RUNDC3B: variants seen among roughly 807,000 people sequenced by gnomAD.
RUNDC3B encodes RUN domain-containing protein 3B.
Under a neutral mutation model 58.4 loss-of-function variants are expected in RUNDC3B, and 33 were observed. The observed-to-expected ratio is 0.56, with a 90% CI of 0.43 to 0.75. The LOEUF (loss-of-function observed/expected upper bound fraction) is 0.75. Ranked by LOEUF, RUNDC3B falls within the 30% of genes least tolerant of loss-of-function variation. The pLI, the probability that RUNDC3B is intolerant of heterozygous loss-of-function variation, is 0.00. For synonymous variants in RUNDC3B, 193 were observed against 195.2 expected (o/e 0.99, Z 0.10); for missense variants, 501 against 535.7 (o/e 0.94, Z 0.64).
At chr7:87,754,745 A>G (rs1833257010) in intron 6 of RUNDC3B, among the ~76,000 whole-genome samples, 2 of 152,096 alleles carry the variant, frequency 1.3e-5, no homozygotes, top group Non-Finnish European at 2.9e-5. Flanking sequence ...AGAAATGACA[A>G]AGGGGATGTT....
At chr7:87,658,078 C>T (rs28746495) in intron 2 of RUNDC3B, among the ~76,000 whole-genome samples, 12,082 of 152,156 alleles carry the variant, frequency 0.079, 515 homozygotes, top group African/African-American at 0.11. Context: ...TAGATGTCAA[C>T]ACTGAGATGA....
intron 2 of RUNDC3B, among the ~76,000 whole-genome samples, chr7:87,666,114 T>A (rs1825215132): frequency 6.6e-6 from 1 of 152,108 alleles, no homozygotes; most frequent in African/African-American, 2.4e-5. Context: ...CAGCAGTGTA[T>A]AAGCATCCCC....
chr7:87,713,312 A>C (rs1333197116), intron 4 of RUNDC3B: 1 of 152,184 alleles, frequency 6.6e-6, no homozygotes, highest in Non-Finnish European at 1.5e-5. Context: ...TAAAATGGTA[A>C]TACAAGTGTT....
intron 2 of RUNDC3B, chr7:87,659,264 T>A (rs1290565252): frequency 2.4e-6 from 1 of 417,190 alleles, no homozygotes. Context: ...CTTTTAGTTT[T>A]CTGTTTGTTC....
At chr7:87,822,509 A>G (rs1837528793) in intron 10 of RUNDC3B, among the ~76,000 whole-genome samples, 2 of 152,184 alleles carry the variant, frequency 1.3e-5, no homozygotes, top group African/African-American at 4.8e-5. Flanking sequence ...AACTAGAAAT[A>G]CCATTTGACC....
intron 6 of RUNDC3B, among the ~76,000 whole-genome samples, chr7:87,755,519 A>G (rs1584115527): frequency 6.6e-6 from 1 of 152,216 alleles, no homozygotes; most frequent in East Asian, 1.9e-4. Flanking sequence ...TGAATCCAGC[A>G]GCACGTCAAA....
chr7:87,703,423 T>G (rs1237431485), intron 3 of RUNDC3B, among the ~76,000 whole-genome samples: 1 of 152,212 alleles, frequency 6.6e-6, no homozygotes, highest in Admixed American at 6.5e-5. Context: ...CTCCTTAATA[T>G]GAAAGTACAC....
intron 1 of RUNDC3B, among the ~76,000 whole-genome samples, chr7:87,646,949 T>C (rs1363963147): frequency 6.6e-6 from 1 of 152,200 alleles, no homozygotes; most frequent in Non-Finnish European, 1.5e-5. Flanking sequence ...TTTCCCGTTA[T>C]TGCATGATAA....
intron 2 of RUNDC3B, among the ~76,000 whole-genome samples, chr7:87,689,721 A>T (rs988444235): frequency 1.3e-5 from 2 of 152,014 alleles, no homozygotes; most frequent in Non-Finnish European, 2.9e-5. Flanking sequence ...CATCTTTCTG[A>T]TGTTCTAATT....
intron 7 of RUNDC3B, among the ~76,000 whole-genome samples, chr7:87,775,751 C>G (rs1016182148): frequency 2.0e-5 from 3 of 152,084 alleles, no homozygotes; most frequent in Admixed American, 1.3e-4. Flanking sequence ...TATTGTATTA[C>G]AATTGCCTAC....
At chr7:87,812,934 C>T (rs1836806389) in intron 9 of RUNDC3B, among the ~76,000 whole-genome samples, 1 of 152,102 alleles carries the variant, frequency 6.6e-6, no homozygotes, top group Admixed American at 6.5e-5. Context: ...TCAGATGGAG[C>T]TGTCAGTCAC....
chr7:87,763,964 T>G (rs758605835), intron 6 of RUNDC3B, among the ~76,000 whole-genome samples: 35 of 151,766 alleles, frequency 2.3e-4, no homozygotes, highest in Non-Finnish European at 4.3e-4. Flanking sequence ...ATGTCTGTCT[T>G]TGTGTTTATG....
intron 2 of RUNDC3B, among the ~76,000 whole-genome samples, chr7:87,689,825 C>A (rs1827849043): frequency 6.6e-6 from 1 of 152,058 alleles, no homozygotes; most frequent in Non-Finnish European, 1.5e-5. Flanking sequence ...TGCTAGACGT[C>A]TAATGATAAA....
At chr7:87,672,628 A>G (rs1038340852) in intron 2 of RUNDC3B, among the ~76,000 whole-genome samples, 1 of 152,156 alleles carries the variant, frequency 6.6e-6, no homozygotes, top group Non-Finnish European at 1.5e-5. Flanking sequence ...CAGGGTTTCC[A>G]TGCATGTCTG....
intron 8 of RUNDC3B, among the ~76,000 whole-genome samples, chr7:87,799,648 GGA>G (rs1175659176): frequency 6.6e-6 from 1 of 151,938 alleles, no homozygotes; most frequent in African/African-American, 2.4e-5. Context: ...CAGCACTTTG[GGA>G]GGCTGAGGTG....
chr7:87,716,845 A>G (rs1489684932), intron 4 of RUNDC3B, among the ~76,000 whole-genome samples: 1 of 152,158 alleles, frequency 6.6e-6, no homozygotes, highest in African/African-American at 2.4e-5. Flanking sequence ...TATTACTTCT[A>G]TGATTTTTTA....
At chr7:87,801,716 C>T (rs533933725) in intron 8 of RUNDC3B, among the ~76,000 whole-genome samples, 1 of 152,282 alleles carries the variant, frequency 6.6e-6, no homozygotes, top group African/African-American at 2.4e-5. Context: ...TTGCACTGAA[C>T]TGAGATTGTG....
intron 2 of RUNDC3B, among the ~76,000 whole-genome samples, chr7:87,698,791 T>C (rs568033048): frequency 1.3e-5 from 2 of 152,094 alleles, no homozygotes; most frequent in East Asian, 3.9e-4. Context: ...AGAAATACTT[T>C]TGAGGAGAAG....
chr7:87,646,752 AT>A (rs755268660), intron 1 of RUNDC3B, among the ~76,000 whole-genome samples: 1 of 152,122 alleles, frequency 6.6e-6, no homozygotes, highest in Non-Finnish European at 1.5e-5. Context: ...GATTGGCAGC[AT>A]TATTCTTGTG....
Sources: allele counts gnomAD v4.1 joint callset (sites outside exome capture counted in the v4.1 genomes callset), GRCh38; gene constraint gnomAD v4.1.1; transcripts MANE v1.5; gene names NCBI Gene and HGNC (gene_info 2026-07-23, HGNC 2026-07-21).